The following CDK14 variants were observed in gnomAD, a reference collection of about 807,000 sequenced individuals.
CDK14 encodes the protein cyclin dependent kinase 14.
Under a neutral mutation model 60.7 loss-of-function variants are expected in CDK14, and 34 were observed. The observed-to-expected ratio is 0.56, with a 90% CI of 0.43 to 0.75. The LOEUF is 0.75. Among genes scored for constraint, CDK14 ranks in the 30% least tolerant of loss-of-function variants. The pLI is 0.00. For missense variants in CDK14, 482 were observed against 564.1 expected, an observed-to-expected ratio of 0.85 and a Z score of 1.47; for synonymous variants, 197 against 203.7, an observed-to-expected ratio of 0.97 and a Z score of 0.28.
chr7:90,808,039 C>T (rs1246312427), intron 5 of CDK14, among the ~76,000 whole-genome samples: 2 of 152,236 alleles, frequency 1.3e-5, no homozygotes, highest in African/African-American at 4.8e-5. Context: ...GGAAAACACT[C>T]AGCAAGATAT....
In CDK14 at chr7:91,007,476, A is replaced by C. The variant is rs1335325337; in HGVS notation, c.1041+23235A>C. Among the ~76,000 whole-genome samples the C allele has an allele frequency of 2.6e-5, 4 of 152,338 alleles. No individual in the cohort carries two copies. The East Asian group carries it at 5.8e-4, about 22-fold the overall frequency. On this transcript the variant is annotated intron_variant, in intron 10 of 14. Transcript: ENST00000380050. ...ATCCCATGGAAAGGGAGATTAAGTT[A>C]TGTTAGTTATTTTCTACACCGTATG...
At chr7:90,978,677 TA>T (rs946170904) in intron 9 of CDK14, among the ~76,000 whole-genome samples, 1 of 152,076 alleles carries the variant, frequency 6.6e-6, no homozygotes, top group African/African-American at 2.4e-5. Context: ...AGCACCTTAT[TA>T]AAAAAATCAC....
chr7:91,123,702 C>T (rs1488619737), intron 14 of CDK14, among the ~76,000 whole-genome samples: 3 of 152,034 alleles, frequency 2.0e-5, no homozygotes, highest in Non-Finnish European at 4.4e-5. Flanking sequence ...TTCTCTCCTC[C>T]TTGTCCCTTC....
chr7:91,051,248 C>G (rs1373992366), intron 11 of CDK14, among the ~76,000 whole-genome samples: 1 of 152,156 alleles, frequency 6.6e-6, no homozygotes, highest in Non-Finnish European at 1.5e-5. Context: ...CCAAACACTT[C>G]CCACCAGGCC....
intron 4 of CDK14, among the ~76,000 whole-genome samples, chr7:90,771,799 T>C (rs1451075649): frequency 6.6e-6 from 1 of 152,166 alleles, no homozygotes; most frequent in Non-Finnish European, 1.5e-5. Context: ...CTGGACTCCA[T>C]CTGGAACTGA....
intron 2 of CDK14, among the ~76,000 whole-genome samples, chr7:90,715,587 A>C (rs1182474733): frequency 2.6e-5 from 4 of 152,020 alleles, no homozygotes; most frequent in Non-Finnish European, 2.9e-5. Flanking sequence ...AACCTAAAAA[A>C]GAAAAGCTAT....
chr7:91,024,835 G>C (rs1796530813), intron 10 of CDK14, among the ~76,000 whole-genome samples: 1 of 152,160 alleles, frequency 6.6e-6, no homozygotes, highest in Non-Finnish European at 1.5e-5. Flanking sequence ...GTTCAGCTAA[G>C]TCTATTTGAT....
intron 3 of CDK14, 120 bp from the exon 4 acceptor site, chr7:90,747,561 C>T: frequency 1.6e-6 from 1 of 617,548 alleles, no homozygotes; most frequent in Non-Finnish European, 2.9e-6. Context: ...AACATGTATG[C>T]CAGAAAAAAC....
chr7:91,205,063 T>C lies in CDK14; in HGVS notation c.*29-2102T>C, dbSNP rs77933328. On this transcript the variant is annotated intron_variant, in intron 14 of 14. Transcript: ENST00000380050. ...TAAACAAACAAATGTTTTGGCAAAA[T>C]TGGAACCCTTGTGCATTGCTGGTGG... 3.2e-4 allele frequency among the ~76,000 whole-genome samples: 48 copies of C among 152,178 alleles called. No individual in the cohort carries two copies. The East Asian group carries it at 9.3e-3, about 29-fold the overall frequency.
intron 14 of CDK14, among the ~76,000 whole-genome samples, chr7:91,147,746 C>A (rs532762520): frequency 6.6e-6 from 1 of 152,144 alleles, no homozygotes; most frequent in Non-Finnish European, 1.5e-5. Context: ...CCCCTCCCCC[C>A]CATTAAAGCC....
chr7:90,801,194 G>T (rs890515986), intron 5 of CDK14, among the ~76,000 whole-genome samples: 1 of 152,154 alleles, frequency 6.6e-6, no homozygotes, highest in Non-Finnish European at 1.5e-5. Flanking sequence ...ACTGGGACCT[G>T]CATTGGACCT....
intron 4 of CDK14, among the ~76,000 whole-genome samples, chr7:90,770,896 A>G (rs1398043904): frequency 1.1e-4 from 17 of 152,294 alleles, no homozygotes; most frequent in Non-Finnish European, 1.0e-4. Context: ...CCTCTTCTTA[A>G]GTAGGCGTCA....
At chr7:90,600,648 T>C (rs1799296352) in intron 1 of CDK14, among the ~76,000 whole-genome samples, 1 of 152,228 alleles carries the variant, frequency 6.6e-6, no homozygotes, top group Non-Finnish European at 1.5e-5. Flanking sequence ...ATTCATTATG[T>C]CAGAAAAGAG....
At chr7:90,981,636 A>G (rs1043694477) in intron 9 of CDK14, among the ~76,000 whole-genome samples, 13 of 152,200 alleles carry the variant, frequency 8.5e-5, no homozygotes, top group Non-Finnish European at 1.5e-5. Flanking sequence ...GAAGTAAATT[A>G]AAGACACAAG....
chr7:90,654,680 G>A (rs2116486310), intron 2 of CDK14, among the ~76,000 whole-genome samples: 1 of 152,090 alleles, frequency 6.6e-6, no homozygotes, highest in South Asian at 2.1e-4. Flanking sequence ...TGGGTGGGAG[G>A]GGGCTCAACT....
intron 14 of CDK14, among the ~76,000 whole-genome samples, chr7:91,149,061 A>G (rs1395834768): frequency 6.6e-6 from 1 of 152,174 alleles, no homozygotes; most frequent in Non-Finnish European, 1.5e-5. Flanking sequence ...TTGCTATAAA[A>G]CAATTTTGCC....
At chr7:91,017,130 T>G (rs1304407645) in intron 10 of CDK14, among the ~76,000 whole-genome samples, 6 of 152,234 alleles carry the variant, frequency 3.9e-5, no homozygotes, top group African/African-American at 1.4e-4. Flanking sequence ...TTCTATGAAG[T>G]TAATACTTCT....
intron 6 of CDK14, among the ~76,000 whole-genome samples, chr7:90,885,974 A>T (rs989375833): frequency 1.3e-5 from 2 of 152,212 alleles, no homozygotes; most frequent in Non-Finnish European, 2.9e-5. Context: ...ACAATGGCAT[A>T]CATATACCTA....
At chr7:90,793,659 C>T (rs1433091299) in intron 5 of CDK14, among the ~76,000 whole-genome samples, 4 of 152,124 alleles carry the variant, frequency 2.6e-5, no homozygotes, top group African/African-American at 7.2e-5. Flanking sequence ...TTTGTCATCA[C>T]AATAATTGAA....
Sources: allele counts gnomAD v4.1 joint callset (sites outside exome capture counted in the v4.1 genomes callset), GRCh38; gene constraint gnomAD v4.1.1; transcripts MANE v1.5; gene names NCBI Gene and HGNC (gene_info 2026-07-23, HGNC 2026-07-21).